The following SGCZ variants were observed in gnomAD, a reference collection of about 807,000 sequenced individuals.
The protein encoded by SGCZ is sarcoglycan zeta.
SGCZ carries 40 observed loss-of-function variants against 41.3 expected under a neutral mutation model. The observed-to-expected ratio is 0.97, with a 90% CI of 0.75 to 1.26. The LOEUF is 1.26. SGCZ is among the 50% of genes most tolerant of loss of function. The pLI, the probability that SGCZ is intolerant of heterozygous loss-of-function variation, is 0.00. For missense variants in SGCZ, 552 were observed against 369.8 expected, an observed-to-expected ratio of 1.49 and a Z score of -4.04; for synonymous variants, 206 against 137.5, an observed-to-expected ratio of 1.50 and a Z score of -3.49.
intron 1 of SGCZ, among the ~76,000 whole-genome samples, chr8:14,688,701 C>G (rs543713118): frequency 2.6e-5 from 4 of 152,124 alleles, no homozygotes; most frequent in African/African-American, 7.2e-5. Flanking sequence ...GCCATATGAA[C>G]TTTAAAGTAG....
chr8:14,198,283 C>G (rs1173321886), intron 4 of SGCZ, among the ~76,000 whole-genome samples: 1 of 152,138 alleles, frequency 6.6e-6, no homozygotes, highest in African/African-American at 2.4e-5. Context: ...GATTAACTGT[C>G]ATGGTATTAT....
At chr8:14,907,884 A>C (rs1799166588) in intron 1 of SGCZ, among the ~76,000 whole-genome samples, 2 of 152,180 alleles carry the variant, frequency 1.3e-5, no homozygotes, top group Admixed American at 6.5e-5. Flanking sequence ...GTATACAACC[A>C]AGAACAAATA....
At chr8:14,921,927 G>C (rs1239568101) in intron 1 of SGCZ, among the ~76,000 whole-genome samples, 1 of 152,102 alleles carries the variant, frequency 6.6e-6, no homozygotes, top group Non-Finnish European at 1.5e-5. Context: ...CCAAGCAACA[G>C]TAATCTATGA....
chr8:15,086,046 T>G (rs1805936225), intron 1 of SGCZ, among the ~76,000 whole-genome samples: 1 of 152,224 alleles, frequency 6.6e-6, no homozygotes, highest in Admixed American at 6.5e-5. Flanking sequence ...AGCCTGGTGA[T>G]TTTGTGAAAT....
intron 1 of SGCZ, among the ~76,000 whole-genome samples, chr8:14,779,299 T>C (rs561543317): frequency 6.4e-4 from 98 of 152,334 alleles, no homozygotes; most frequent in African/African-American, 2.3e-3. Context: ...GGCAAATCAG[T>C]TGCCATGTTA....
chr8:15,189,228 G>C (rs531765590), intron 1 of SGCZ, among the ~76,000 whole-genome samples: 2 of 152,248 alleles, frequency 1.3e-5, no homozygotes, highest in South Asian at 2.1e-4. Context: ...AATTTGGAAG[G>C]TCAATTTTGT....
chr8:14,440,449 C>A (rs1193186641), intron 2 of SGCZ, among the ~76,000 whole-genome samples: 1 of 151,934 alleles, frequency 6.6e-6, no homozygotes, highest in Non-Finnish European at 1.5e-5. Flanking sequence ...GTTTGTTGGC[C>A]AGAACACAAT....
chr8:14,272,640 T>C (rs1303317313), intron 3 of SGCZ, among the ~76,000 whole-genome samples: 3 of 152,180 alleles, frequency 2.0e-5, no homozygotes, highest in African/African-American at 4.8e-5. Flanking sequence ...CTTAAACGTG[T>C]CCTGGTGTGT....
At chr8:14,831,596 GTT>G (rs1322046588) in intron 1 of SGCZ, among the ~76,000 whole-genome samples, 5 of 113,406 alleles carry the variant, frequency 4.4e-5, no homozygotes, top group African/African-American at 1.7e-4. Flanking sequence ...CTACAAGTGT[GTT>G]TGTGTGTGTG....
chr8:14,417,595 G>A (rs1799528933), intron 2 of SGCZ, among the ~76,000 whole-genome samples: 1 of 151,436 alleles, frequency 6.6e-6, no homozygotes, highest in South Asian at 2.1e-4. Context: ...TTACCTAATT[G>A]TCACATAGAA....
chr8:14,937,985 T>A (rs1244427166), intron 1 of SGCZ, among the ~76,000 whole-genome samples: 1 of 152,148 alleles, frequency 6.6e-6, no homozygotes, highest in Admixed American at 6.5e-5. Flanking sequence ...AAAGTCAGCT[T>A]AAGAAATGTT....
chr8:14,704,003 C>T (rs1272051056), intron 1 of SGCZ, among the ~76,000 whole-genome samples: 1 of 151,996 alleles, frequency 6.6e-6, no homozygotes, highest in African/African-American at 2.4e-5. Context: ...TCTTTCTCTA[C>T]TTTCTTCTTC....
intron 1 of SGCZ, among the ~76,000 whole-genome samples, chr8:14,880,404 A>G (rs1804543409): frequency 1.3e-5 from 2 of 152,196 alleles, no homozygotes; most frequent in Non-Finnish European, 2.9e-5. Flanking sequence ...GTGATTTCTC[A>G]GTGATGTAGA....
intron 2 of SGCZ, among the ~76,000 whole-genome samples, chr8:14,382,429 A>C (rs540554581): frequency 2.6e-4 from 37 of 142,812 alleles, no homozygotes; most frequent in African/African-American, 1.0e-3. Context: ...AAAAAAAAAC[A>C]CAATACCATA....
chr8:14,833,228 A>T (rs1802590337), intron 1 of SGCZ, among the ~76,000 whole-genome samples: 2 of 152,192 alleles, frequency 1.3e-5, no homozygotes, highest in African/African-American at 4.8e-5. Flanking sequence ...ATCGTTAAAC[A>T]CAAATGACAC....
At chr8:15,124,764 T>C (rs17575042) in intron 1 of SGCZ, among the ~76,000 whole-genome samples, 21,936 of 152,090 alleles carry the variant, frequency 0.14, 2,058 homozygotes, top group Non-Finnish European at 0.22. Flanking sequence ...GAACATAAGA[T>C]CAAACAACGT....
At chr8:15,082,434 A>G (rs1480753243) in intron 1 of SGCZ, among the ~76,000 whole-genome samples, 1 of 100,276 alleles carries the variant, frequency 1.0e-5, no homozygotes, top group African/African-American at 2.9e-5. Flanking sequence ...GTGTGTGTGT[A>G]TATCTCTAAG....
At chr8:14,429,159 A>T (rs558750020) in intron 2 of SGCZ, among the ~76,000 whole-genome samples, 1 of 152,334 alleles carries the variant, frequency 6.6e-6, no homozygotes, top group East Asian at 1.9e-4. Context: ...GGGCTGATAC[A>T]TACAGTAAAA....
chr8:14,183,289 T>TACACAC (rs35770709), intron 4 of SGCZ, among the ~76,000 whole-genome samples: 1 of 149,988 alleles, frequency 6.7e-6, no homozygotes, highest in African/African-American at 2.4e-5. Flanking sequence ...TTTTTACATG[T>TACACAC]ACACACACAC....
Sources: gnomAD v4.1 joint callset for allele counts (sites outside exome capture counted in the v4.1 genomes callset) on GRCh38, gnomAD v4.1.1 for gene constraint, MANE v1.5 for transcripts, NCBI Gene and HGNC (gene_info 2026-07-23, HGNC 2026-07-21) for gene names.